The following FASTK variants were observed in gnomAD, a reference collection of about 807,000 sequenced individuals.
FASTK encodes fas-activated serine/threonine kinase.
A neutral mutation model predicts 60.0 loss-of-function variants in FASTK; 28 were observed. The ratio of observed to expected loss-of-function variants is 0.47; its 90% CI spans 0.35 to 0.64. The LOEUF is 0.64. Ranked by LOEUF, FASTK falls within the 30% of genes least tolerant of loss-of-function variation. The pLI is 0.01. For missense variants in FASTK, 595 were observed against 713.8 expected (o/e 0.83, Z 1.90); for synonymous variants, 325 against 307.9 (o/e 1.06, Z -0.58).
At position 151,076,645 on chromosome 7, in the gene FASTK, G is replaced by A; in HGVS notation, c.*80C>T. ...AACGGGGAAGGAAAGGAACTTTAATGAGAAATCAAAACACAGGGAACCAAA... is the reference window on the plus strand; with the variant it reads ...AACGGGGAAGGAAAGGAACTTTAATAAGAAATCAAAACACAGGGAACCAAA... On this transcript the variant is annotated 3_prime_UTR_variant, in exon 10 of 10. Coordinates refer to ENST00000297532, the MANE Select transcript of FASTK (RefSeq NM_006712.5). 1 of 983,872 alleles carries A rather than the reference G, an allele frequency of 1.0e-6. No individual in the cohort carries two copies. The highest frequency in any genetic ancestry group is 1.7e-5 in the South Asian group (1 of 58,228). The allele number at this position is 983,872 out of a possible 1,614,324, so 60.9% of individuals were successfully genotyped here. A position where few individuals can be genotyped will look rare whatever the true frequency, so the allele number is the denominator to read the frequency against.
intron 1 of FASTK, 60 bp downstream of exon 1, chr7:151,080,625 T>C: frequency 2.9e-6 from 4 of 1,385,814 alleles, no homozygotes; most frequent in Non-Finnish European, 3.7e-6. Flanking sequence ...CCGTGGCCGC[T>C]GCCGCTAACA....
rs778855850 is a variant in FASTK at position 151,078,075 on chromosome 7, G to C, written c.843C>G (p.Val281=). 2 of 1,594,492 alleles carry C rather than the reference G, an allele frequency of 1.3e-6. No homozygotes were observed. The highest frequency in any genetic ancestry group is 2.2e-5 in the South Asian group (2 of 90,350). Reference sequence around the variant, plus strand: ...GGTAGTTCAGTCGCCCAAAGGGCAGGACCAACTTCTGTACCACCTGTGGAG... The same window carrying C: ...GGTAGTTCAGTCGCCCAAAGGGCAGCACCAACTTCTGTACCACCTGTGGAG... The part of the protein sequence containing the change: ...QLSSKVVQKL[V]LPFGRLNYLP... The change falls in exon 5 of 10, where the codon GTC becomes GTG. Residue 281 remains valine, a synonymous_variant. Transcript: ENST00000297532.
intron 6 of FASTK, 59 bp downstream of exon 6, chr7:151,077,562 T>C: frequency 6.6e-7 from 1 of 1,526,304 alleles, no homozygotes; most frequent in South Asian, 1.3e-5. Flanking sequence ...TCCCTCTGGC[T>C]TTTCCACTCT....
At position 151,076,744 on chromosome 7, in the gene FASTK, C is replaced by G; in HGVS notation, c.1631G>C (p.Trp544Ser). ...RQKLQALGLR[W>S]GPEGG is the part of the protein sequence containing the mutation. ...AACCCCTCAGCCCCCTTCAGGCCCC[C>G]AGCGCAGGCCCAGGGCCTGGAGCTT... The change falls in exon 10 of 10, where the codon TGG becomes TCG. Residue 544 changes from tryptophan to serine, a missense_variant. Physicochemically the swap from Trp to Ser is radical, Grantham distance 177. Transcript: ENST00000297532. 6.2e-7 allele frequency: 1 copy of G among 1,603,356 alleles called. No individual in the cohort carries two copies. Among genetic ancestry groups the G allele is most frequent in the East Asian group, 2.2e-5 (1 of 44,704 alleles).
In FASTK at chr7:151,078,977, G is replaced by T; in HGVS notation, c.550C>A (p.Arg184=). Residue 184 remains arginine, a synonymous_variant, in exon 3 of 10, where the codon CGA becomes AGA. Coordinates refer to ENST00000297532, the MANE Select transcript of FASTK (RefSeq NM_006712.5). The part of the protein sequence containing the change: ...GPLVCALEQE[R]RLRLPPKPPP... ...GGCTTCGGAGGGAGGCGGAGCCTTC[G>T]CTCCTGTTCCAGGGCACACACCAGG... is the stretch of plus-strand genomic sequence containing the variant. The T allele has an allele frequency of 6.5e-7, 1 of 1,541,174 alleles. No individual in the cohort carries two copies. Among genetic ancestry groups the T allele is most frequent in the Non-Finnish European group, 8.7e-7 (1 of 1,148,620 alleles).
chr7:151,077,616 T>A lies in FASTK; in HGVS notation c.1199+5A>T. 1 of 1,538,914 alleles carries A rather than the reference T, an allele frequency of 6.5e-7. No individual in the cohort carries two copies. Among genetic ancestry groups the A allele is most frequent in the Non-Finnish European group, 8.8e-7 (1 of 1,141,542 alleles). ...CCTCCCCTTGCCCCAGGCTGCCCCA[T>A]CCACCTGTACTTGCAGCGGGCACGG... On this transcript the variant is annotated splice_donor_5th_base_variant and intron_variant, in intron 6 of 9. Coordinates refer to ENST00000297532, the MANE Select transcript of FASTK (RefSeq NM_006712.5).
rs765277774 is a variant in FASTK at position 151,080,724 on chromosome 7, G to A, written c.43C>T (p.Pro15Ser). The change falls in exon 1 of 10, where the codon CCG (proline) becomes TCG (serine). Residue 15 changes from proline to serine, a missense_variant. This residue lies in a region of FASTK where 124 missense variants were observed against 107.9 expected (regional missense o/e 1.15). Transcript: ENST00000297532. ...RGEPGPRAPR[P>S]TEGATCAGPG... is the part of the protein sequence containing the mutation. ...CCTGCGCAGGTCGCTCCCTCAGTCG[G>A]TCTCGGGGCCCGGGGGCCGGGTTCC... 150 of 1,335,280 alleles carry A rather than the reference G, an allele frequency of 1.1e-4. No individual in the cohort carries two copies. The highest frequency in any genetic ancestry group is 2.0e-4 in the Admixed American group (5 of 24,790). 82.7% of individuals were successfully genotyped at this position (1,335,280 alleles called of 1,614,324 possible).
Position 151,078,027 on chromosome 7 carries a change from C to T in FASTK, c.891G>A (p.Met297Ile), listed in dbSNP as rs1421513066. ...GAGCCAGGATCCTCTCAAGGCAGGG[C>T]ATAAACTGCTGTTCCAGGGGCAGGT... is the stretch of plus-strand genomic sequence containing the variant. ...LNYLPLEQQF[M>I]PCLERILARE... Residue 297 changes from methionine to isoleucine, a missense_variant, in exon 5 of 10, where the codon ATG becomes ATA. By Grantham distance (10) the Met-to-Ile change is conservative. This residue lies in a region of FASTK where 471 missense variants were observed against 605.9 expected (regional missense o/e 0.78). Coordinates refer to ENST00000297532, the MANE Select transcript of FASTK (RefSeq NM_006712.5). 1 of 1,607,596 alleles carries T rather than the reference C, an allele frequency of 6.2e-7. No homozygotes were observed. The highest frequency in any genetic ancestry group is 1.3e-5 in the African/African-American group (1 of 74,842).
In FASTK at chr7:151,077,255, G is replaced by A. The variant is rs375441194; in HGVS notation, c.1292-19C>T. 59 of 1,611,980 alleles carry A rather than the reference G, an allele frequency of 3.7e-5. No homozygotes were observed. The highest frequency in any genetic ancestry group is 2.0e-4 in the East Asian group (9 of 44,850). On this transcript the variant is annotated intron_variant, in intron 7 of 9. Transcript: ENST00000297532. ...AGGAAGTCTGGAGGGGAGCAGGGCC[G>A]GCGGCCTTAGCCAGGGCTCCGTCTC...
At chr7:151,080,609 A>T (rs991702030) in intron 1 of FASTK, 76 bp downstream of exon 1, 241 of 1,367,870 alleles carry the variant, frequency 1.8e-4, no homozygotes, top group Non-Finnish European at 1.7e-4. Context: ...CAGGGACGCC[A>T]GGAGACCGTG....
At position 151,079,869 on chromosome 7, in the gene FASTK, G is replaced by A; in HGVS notation, c.136C>T (p.Pro46Ser). 1 of 1,605,400 alleles carries A rather than the reference G, an allele frequency of 6.2e-7. No individual in the cohort carries two copies. The highest frequency in any genetic ancestry group is 8.5e-7 in the Non-Finnish European group (1 of 1,175,902). The change falls in exon 2 of 10, where the codon CCT becomes TCT. Residue 46 changes from proline to serine, a missense_variant. Pro to Ser is a moderately conservative substitution (Grantham distance 74, BLOSUM62 -1). Coordinates refer to ENST00000297532, the MANE Select transcript of FASTK (RefSeq NM_006712.5). ...AGCAGCAGGCCAGACAGCCGAGCAG[G>A]GGAGGTCTGAGCAGAGAGCAGGACT... ...LRVLLSAQTS[P>S]ARLSGLLLIP...
intron 4 of FASTK, 54 bp from the exon 5 acceptor site, chr7:151,078,146 T>C: frequency 7.3e-7 from 1 of 1,377,494 alleles, no homozygotes; most frequent in South Asian, 1.3e-5. Context: ...GCAGTCATCT[T>C]TTACAAGCTA....
At chr7:151,078,224 C>T (rs1797776494) in intron 4 of FASTK, 132 bp from the exon 5 acceptor site, 1 of 681,386 alleles carries the variant, frequency 1.5e-6, no homozygotes, top group Non-Finnish European at 2.5e-6. Context: ...CCTCCGGCCT[C>T]ACAGTTCAAC....
chr7:151,078,878 G>A lies in FASTK; in HGVS notation c.649C>T (p.Arg217Trp). ...CTGATCAGATGCTGCCGTGGATACC[G>A]CAGAAAACGGGGGCAGCTTAGAGCA... ...EAALSCPRFL[R>W]YPRQHLISSL... Residue 217 changes from arginine (R) to tryptophan (W), a missense_variant, in exon 3 of 10, where the codon CGG becomes TGG. This residue lies in a region of FASTK where 471 missense variants were observed against 605.9 expected (regional missense o/e 0.78). Coordinates refer to ENST00000297532, the MANE Select transcript of FASTK (RefSeq NM_006712.5). The A allele has an allele frequency of 1.2e-6, 2 of 1,604,272 alleles. No individual in the cohort carries two copies. Among genetic ancestry groups the A allele is most frequent in the Non-Finnish European group, 1.7e-6 (2 of 1,176,922 alleles).
At chr7:151,079,946 G>T (rs776815377) in intron 1 of FASTK, 24 bp from the exon 2 acceptor site, 14 of 1,545,112 alleles carry the variant, frequency 9.1e-6, no homozygotes, top group African/African-American at 1.4e-5. Flanking sequence ...CAAAAAAGGG[G>T]GTGAGGTTTT....
In FASTK at chr7:151,076,731, C is replaced by T; in HGVS notation, c.1644G>A (p.Gly548=). 2 of 1,587,958 alleles carry T rather than the reference C, an allele frequency of 1.3e-6. No individual in the cohort carries two copies. The highest frequency in any genetic ancestry group is 1.7e-6 in the Non-Finnish European group (2 of 1,165,990). The part of the protein sequence containing the change: ...QALGLRWGPE[G]G The stretch of plus-strand genomic sequence containing the variant: ...TGAACCCCACATCAACCCCTCAGCC[C>T]CCTTCAGGCCCCCAGCGCAGGCCCA... The change falls in exon 10 of 10, where the codon GGG becomes GGA. Residue 548 remains glycine, a synonymous_variant. Coordinates refer to ENST00000297532, the MANE Select transcript of FASTK (RefSeq NM_006712.5).
intron 1 of FASTK, chr7:151,080,403 G>A (rs1797925136): frequency 5.6e-6 from 6 of 1,071,890 alleles, no homozygotes; most frequent in Non-Finnish European, 5.9e-6. Flanking sequence ...GCGGCTGGAC[G>A]GTGCTGGGTT....
chr7:151,078,957 C>A lies in FASTK; in HGVS notation c.570G>T (p.Pro190=). The A allele has an allele frequency of 6.4e-7, 1 of 1,557,606 alleles. No individual in the cohort carries two copies. Among genetic ancestry groups the A allele is most frequent in the South Asian group, 1.2e-5 (1 of 83,146 alleles). Residue 190 remains proline (P), a synonymous_variant, in exon 3 of 10, where the codon CCG becomes CCT. Coordinates refer to ENST00000297532, the MANE Select transcript of FASTK (RefSeq NM_006712.5). ...LEQERRLRLP[P]KPPPPLQPLL... ...GGGGCTGCAAAGGGGGAGGTGGCTTCGGAGGGAGGCGGAGCCTTCGCTCCT... is the reference window on the plus strand; with the variant it reads ...GGGGCTGCAAAGGGGGAGGTGGCTTAGGAGGGAGGCGGAGCCTTCGCTCCT...
chr7:151,080,573 CG>C (rs1797934054), intron 1 of FASTK, 111 bp downstream of exon 1: 9 of 1,321,900 alleles, frequency 6.8e-6, no homozygotes, highest in Admixed American at 4.1e-5. Flanking sequence ...TCGGCGAAGT[CG>C]GGGGCCCCAA....
Sources: allele counts gnomAD v4.1 joint callset, GRCh38; gene constraint gnomAD v4.1.1; regional missense constraint gnomAD v4.1.1; transcripts MANE v1.5; gene names NCBI Gene and HGNC (gene_info 2026-07-23, HGNC 2026-07-21).